Variants in METTL16 observed in about 807,000 individuals in gnomAD.
METTL16 encodes the protein methyltransferase 16, RNA N6-adenosine, also known as RNA N(6)-adenosine-methyltransferase METTL16.
METTL16 carries 19 observed loss-of-function variants against 57.9 expected under a neutral mutation model. The observed-to-expected ratio is 0.33, with a 90% CI of 0.23 to 0.48. The LOEUF (loss-of-function observed/expected upper bound fraction) is 0.48, where lower values mean the gene tolerates loss of function less well. METTL16 is among the 20% of genes least tolerant of loss of function. The pLI, the probability that METTL16 is intolerant of heterozygous loss-of-function variation, is 0.99. For missense variants in METTL16, 434 were observed against 691.5 expected, an observed-to-expected ratio of 0.63 and a Z score of 4.18; for synonymous variants, 246 against 255.6, an observed-to-expected ratio of 0.96 and a Z score of 0.36.
chr17:2,509,367 T>C (rs1399320637), intron 1 of METTL16, among the ~76,000 whole-genome samples: 1 of 152,150 alleles, frequency 6.6e-6, no homozygotes, highest in Non-Finnish European at 1.5e-5. Context: ...AGCATTGACA[T>C]ACCCTTTACT....
chr17:2,468,892 A>G (rs2067218719), intron 4 of METTL16, among the ~76,000 whole-genome samples: 1 of 150,266 alleles, frequency 6.7e-6, no homozygotes, highest in Non-Finnish European at 1.5e-5. Flanking sequence ...TGTCTCTAAT[A>G]AAAAAATGTT....
intron 8 of METTL16, among the ~76,000 whole-genome samples, chr17:2,427,401 C>A (rs2066827574): frequency 6.6e-6 from 1 of 152,142 alleles, no homozygotes; most frequent in Admixed American, 6.5e-5. Flanking sequence ...TGACTCCATG[C>A]AGAAAATTCA....
At position 2,417,058 on chromosome 17, in the gene METTL16, CTTTTTTTTTTT is replaced by C. The variant is rs59854056; in HGVS notation, c.*2901_*2911del. 3.5e-3 allele frequency: 217 copies of C among 61,538 alleles called. 12 individuals carry two copies. Among genetic ancestry groups the C allele is most frequent in the Middle Eastern group, 0.011 (1 of 88 alleles). The allele number at this position is 61,538 out of a possible 1,614,324, so 3.8% of individuals were successfully genotyped here. On this transcript the variant is annotated 3_prime_UTR_variant, in exon 10 of 10. Coordinates refer to ENST00000263092, the MANE Select transcript of METTL16 (RefSeq NM_024086.4). ...TGAAAGCTGGCCTGCTCATGGGTTC[CTTTTTTTTTTT>C]TTTTTTTTTTTTTTTTGAGACAGTC...
chr17:2,511,842 G>A lies in METTL16; in HGVS notation c.-84C>T. ...AATCTTAAAGCAGCCGCATAGCGAA[G>A]CTCCTAGAAACGCAGATGATACGCT... On this transcript the variant is annotated 5_prime_UTR_variant, in exon 1 of 10. Transcript: ENST00000263092. The A allele has an allele frequency of 2.5e-6, 1 of 398,656 alleles. No individual in the cohort carries two copies. Among genetic ancestry groups the A allele is most frequent in the Non-Finnish European group, 4.4e-6 (1 of 226,110 alleles). 24.7% of individuals were successfully genotyped at this position (398,656 alleles called of 1,614,324 possible).
At chr17:2,491,598 G>T (rs561499007) in intron 2 of METTL16, among the ~76,000 whole-genome samples, 3 of 152,140 alleles carry the variant, frequency 2.0e-5, no homozygotes, top group Non-Finnish European at 4.4e-5. Context: ...TCAGTTGGCC[G>T]GGCACGGTGG....
intron 1 of METTL16, among the ~76,000 whole-genome samples, chr17:2,511,551 G>A (rs916083527): frequency 6.6e-6 from 1 of 151,874 alleles, no homozygotes; most frequent in Admixed American, 6.6e-5. Flanking sequence ...TCCTACTTCA[G>A]TCCTAGTCTC....
At chr17:2,439,691 GT>G (rs2066933375) in intron 7 of METTL16, among the ~76,000 whole-genome samples, 1 of 152,022 alleles carries the variant, frequency 6.6e-6, no homozygotes, top group African/African-American at 2.4e-5. Flanking sequence ...TAGATACCAG[GT>G]TTTTTGATTT....
chr17:2,443,630 G>A (rs2066970104), intron 6 of METTL16, among the ~76,000 whole-genome samples: 1 of 151,816 alleles, frequency 6.6e-6, no homozygotes, highest in East Asian at 1.9e-4. Context: ...GGGACTACAG[G>A]CGCCCACCAC....
intron 6 of METTL16, among the ~76,000 whole-genome samples, chr17:2,444,871 AC>A (rs1358553351): frequency 8.6e-5 from 13 of 150,832 alleles, no homozygotes; most frequent in Non-Finnish European, 1.5e-4. Context: ...CCCCTCCACC[AC>A]TCCCAGCTAA....
chr17:2,473,423 T>G, intron 4 of METTL16, 101 bp downstream of exon 4: 1 of 1,326,466 alleles, frequency 7.5e-7, no homozygotes, highest in African/African-American at 1.5e-5. Context: ...TTTTTTAAAT[T>G]ACCGAAGTCT....
chr17:2,508,121 AAT>A (rs933800888), intron 1 of METTL16, among the ~76,000 whole-genome samples: 9 of 39,922 alleles, frequency 2.3e-4, no homozygotes, highest in Non-Finnish European at 7.4e-4. Flanking sequence ...AAGAATGATC[AAT>A]AAAAAAAAAA....
intron 2 of METTL16, among the ~76,000 whole-genome samples, chr17:2,491,305 C>A (rs1394816982): frequency 6.6e-6 from 1 of 152,216 alleles, no homozygotes; most frequent in Non-Finnish European, 1.5e-5. Flanking sequence ...AGGCTCATGG[C>A]CGATTTCCCC....
chr17:2,445,391 T>TC (rs2151552344), intron 6 of METTL16, among the ~76,000 whole-genome samples: 1 of 151,862 alleles, frequency 6.6e-6, no homozygotes, highest in East Asian at 1.9e-4. Flanking sequence ...TTCTCAGATT[T>TC]CCCCCCTCAT....
intron 4 of METTL16, among the ~76,000 whole-genome samples, 160 bp from the exon 5 acceptor site, chr17:2,468,036 T>C (rs370183198): frequency 1.3e-5 from 2 of 152,232 alleles, no homozygotes; most frequent in Non-Finnish European, 2.9e-5. Context: ...ATGTTTGATA[T>C]GCTTAGATAG....
Position 2,420,415 on chromosome 17 carries a change from T to C in METTL16, c.1244A>G (p.Glu415Gly), listed in dbSNP as rs746627875. The C allele has an allele frequency of 6.2e-7, 1 of 1,614,042 alleles. No homozygotes were observed. The highest frequency in any genetic ancestry group is 8.5e-7 in the Non-Finnish European group (1 of 1,180,024). Residue 415 changes from glutamate (E) to glycine (G), a missense_variant, in exon 10 of 10, where the codon GAG becomes GGG. This residue lies in a region of METTL16 where 168 missense variants were observed against 149.6 expected (regional missense o/e 1.12). Transcript: ENST00000263092. This position sits in a 1 kb window ranked among gnomAD's most constrained non-coding sequence, Gnocchi z 5.4. Reference sequence around the variant, plus strand: ...GGCCAGTTCTTGGCTATTGCCAGACTCTTTGGGGGTGGGCTTTTTCTCTTC... The same window carrying C: ...GGCCAGTTCTTGGCTATTGCCAGACCCTTTGGGGGTGGGCTTTTTCTCTTC... ...ALEEKKPTPK[E>G]SGNSQELARG...
intron 5 of METTL16, among the ~76,000 whole-genome samples, chr17:2,467,486 C>T (rs768290669): frequency 2.6e-5 from 4 of 152,160 alleles, no homozygotes; most frequent in East Asian, 1.9e-4. Context: ...AGTGCAATGG[C>T]GCAATCTTGG....
Position 2,506,039 on chromosome 17 carries a change from C to A in METTL16, c.1-3708G>T, listed in dbSNP as rs1421243408. Reference sequence around the variant, plus strand: ...CTGGAGTGCAGTGGCGCAATCTTGGCTCACTGCAACGTCTGCCTCCCGGGT... The same window carrying A: ...CTGGAGTGCAGTGGCGCAATCTTGGATCACTGCAACGTCTGCCTCCCGGGT... On this transcript the variant is annotated intron_variant, in intron 1 of 9. Coordinates refer to ENST00000263092, the MANE Select transcript of METTL16 (RefSeq NM_024086.4). 3.3e-5 allele frequency among the ~76,000 whole-genome samples: 5 copies of A among 152,048 alleles called. No individual in the cohort carries two copies. The East Asian group carries it at 9.7e-4, about 30-fold the overall frequency.
At position 2,433,423 on chromosome 17, in the gene METTL16, G is replaced by A. The variant is rs117997871; in HGVS notation, c.888+4686C>T. ...CCACTCAGGAGTGGGTGAGCAGGATGCTGACTGCAGGATGAATCCAGTCAC... is the reference window on the plus strand; with the variant it reads ...CCACTCAGGAGTGGGTGAGCAGGATACTGACTGCAGGATGAATCCAGTCAC... On this transcript the variant is annotated intron_variant, in intron 8 of 9. Coordinates refer to ENST00000263092, the MANE Select transcript of METTL16 (RefSeq NM_024086.4). Among the ~76,000 whole-genome samples the A allele has an allele frequency of 7.0e-4, 99 of 140,772 alleles. 3 individuals carry two copies. The East Asian group carries it at 0.018, about 25-fold the overall frequency. The allele number at this position is 140,772 out of a possible 152,430, so 92.4% of individuals were successfully genotyped here.
chr17:2,509,560 A>G (rs1386815796), intron 1 of METTL16, among the ~76,000 whole-genome samples: 1 of 152,144 alleles, frequency 6.6e-6, no homozygotes, highest in Non-Finnish European at 1.5e-5. Context: ...ATAAACAAAT[A>G]CAAATAATAG....
Sources: allele counts gnomAD v4.1 joint callset (sites outside exome capture counted in the v4.1 genomes callset), GRCh38; gene constraint gnomAD v4.1.1; regional missense constraint gnomAD v4.1.1; non-coding constraint Gnocchi (gnomAD v3.1); transcripts MANE v1.5; gene names NCBI Gene and HGNC (gene_info 2026-07-23, HGNC 2026-07-21).